SPDYE3: variants seen among roughly 807,000 people sequenced by gnomAD.
SPDYE3 encodes speedy protein E3.
In SPDYE3, 15 loss-of-function variants were observed where a neutral mutation model predicts 55.0. The observed-to-expected ratio is 0.27, with a 90% CI of 0.18 to 0.42. The LOEUF is 0.42. Among genes scored for constraint, SPDYE3 ranks in the 10% least tolerant of loss-of-function variants. The pLI is 1.00. For missense variants in SPDYE3, 236 were observed against 576.7 expected, an observed-to-expected ratio of 0.41 and a Z score of 6.05; for synonymous variants, 89 against 229.9, an observed-to-expected ratio of 0.39 and a Z score of 5.55.
rs1027408903 is a variant in SPDYE3 at position 100,319,828 on chromosome 7, G to C, written c.1590+20G>C. 3.1e-6 allele frequency: 5 copies of C among 1,613,952 alleles called. No homozygotes were observed. In the African/African-American group the frequency reaches 6.7e-5, roughly 22 times the overall value. On this transcript the variant is annotated intron_variant, in intron 9 of 10. Transcript: ENST00000332397. ...GAGGAGGTGGGTGGGGCCTGGGGAG[G>C]TGGAGGATGTGGGGAGGAATCGGGT...
chr7:100,316,596 T>G (rs1187819317), intron 7 of SPDYE3, among the ~76,000 whole-genome samples: 1 of 152,210 alleles, frequency 6.6e-6, no homozygotes, highest in East Asian at 1.9e-4. Flanking sequence ...GGCTATTCTT[T>G]GTCTTTTTAT....
chr7:100,318,594 G>A (rs185042757), intron 8 of SPDYE3, among the ~76,000 whole-genome samples: 115 of 152,184 alleles, frequency 7.6e-4, no homozygotes, highest in Non-Finnish European at 1.4e-3. Flanking sequence ...CTGCATGCCC[G>A]TAGCTCTCCA....
intron 8 of SPDYE3, among the ~76,000 whole-genome samples, 188 bp from the exon 9 acceptor site, chr7:100,319,377 G>A (rs374420021): frequency 1.3e-5 from 2 of 152,166 alleles, no homozygotes; most frequent in African/African-American, 2.4e-5. Flanking sequence ...CCATCCTGAA[G>A]GAGTGGGAGA....
chr7:100,316,202 C>T (rs1258894694), intron 7 of SPDYE3, among the ~76,000 whole-genome samples: 3 of 152,124 alleles, frequency 2.0e-5, no homozygotes, highest in Non-Finnish European at 2.9e-5. Context: ...AACACCTGAC[C>T]TCAGGTGATC....
rs939167117 is a variant in SPDYE3 at position 100,321,838 on chromosome 7, ATATT to A, written c.*1004_*1007del. 31 of 145,926 alleles carry A rather than the reference ATATT, an allele frequency of 2.1e-4. No individual in the cohort carries two copies. The highest frequency in any genetic ancestry group is 6.4e-4 in the South Asian group (3 of 4,688). 9.0% of individuals were successfully genotyped at this position (145,926 alleles called of 1,614,324 possible). A position where few individuals can be genotyped will look rare whatever the true frequency, so the allele number is the denominator to read the frequency against. On this transcript the variant is annotated 3_prime_UTR_variant, in exon 11 of 11. Transcript: ENST00000332397. ...TTATTTATTTAAATATTTATTAAATATATTTATTTATTTAAATATTTATTAAATA... is the reference window on the plus strand; with the variant it reads ...TTATTTATTTAAATATTTATTAAATATATTTATTTAAATATTTATTAAATA...
intron 7 of SPDYE3, 137 bp downstream of exon 7, chr7:100,315,980 T>C: frequency 2.1e-6 from 3 of 1,438,546 alleles, no homozygotes; most frequent in Non-Finnish European, 2.9e-6. Context: ...TTGTTTTTGT[T>C]TTTTTTTGTG....
chr7:100,318,920 T>G (rs1342862068), intron 8 of SPDYE3, among the ~76,000 whole-genome samples: 1 of 149,970 alleles, frequency 6.7e-6, no homozygotes, highest in Non-Finnish European at 1.5e-5. Context: ...ATTTATTTAT[T>G]TATTTATCAA....
intron 10 of SPDYE3, 178 bp from the exon 11 acceptor site, chr7:100,320,713 C>A: frequency 9.2e-7 from 1 of 1,084,596 alleles, no homozygotes; most frequent in Non-Finnish European, 1.2e-6. Flanking sequence ...GTCACCAAAG[C>A]GTGAGTTTCA....
chr7:100,320,481 A>G lies in SPDYE3; in HGVS notation c.*46-410A>G, dbSNP rs144276088. The G allele has an allele frequency of 3.0e-6, 3 of 989,404 alleles. No homozygotes were observed. In the South Asian group the frequency reaches 6.4e-5, roughly 21 times the overall value. The allele number at this position is 989,404 out of a possible 1,614,324, so 61.3% of individuals were successfully genotyped here. A position where few individuals can be genotyped will look rare whatever the true frequency, so the allele number is the denominator to read the frequency against. On this transcript the variant is annotated intron_variant, in intron 10 of 10. Coordinates refer to ENST00000332397, the MANE Select transcript of SPDYE3 (RefSeq NM_001004351.5). ...TCGTCATGAGGAGGTAGGATTATGG[A>G]TTAGGCTTCTGGACTCGTGGTTTGT...
At chr7:100,320,128 G>A in intron 10 of SPDYE3, 93 bp downstream of exon 10, 1 of 1,552,756 alleles carries the variant, frequency 6.4e-7, no homozygotes, top group Non-Finnish European at 8.6e-7. Context: ...TCAAGCCTCG[G>A]CAACGTGGCG....
At chr7:100,315,959 T>C in intron 7 of SPDYE3, 116 bp downstream of exon 7, 4 of 1,530,966 alleles carry the variant, frequency 2.6e-6, no homozygotes, top group Non-Finnish European at 3.5e-6. Flanking sequence ...CTCCTACAGT[T>C]TTTTTTGTTT....
Position 100,307,847 on chromosome 7 carries a change from A to G in SPDYE3, c.-39A>G. The G allele has an allele frequency of 6.5e-7, 1 of 1,544,210 alleles. No individual in the cohort carries two copies. The highest frequency in any genetic ancestry group is 8.7e-7 in the Non-Finnish European group (1 of 1,151,796). On this transcript the variant is annotated 5_prime_UTR_variant, in exon 1 of 11. Coordinates refer to ENST00000332397, the MANE Select transcript of SPDYE3 (RefSeq NM_001004351.5). ...GAAGAAGACCAAGGACAGAACAGAG[A>G]CTAGCTTCGGTGAGATTGGACAGAT...
intron 6 of SPDYE3, 42 bp from the exon 7 acceptor site, chr7:100,315,743 C>G: frequency 1.3e-6 from 2 of 1,597,812 alleles, no homozygotes; most frequent in South Asian, 1.1e-5. Context: ...CCATGGAAAC[C>G]CTGTCCTGCT....
chr7:100,307,953 T>G lies in SPDYE3; in HGVS notation c.68T>G (p.Leu23Arg), dbSNP rs753544672. The G allele has an allele frequency of 4.5e-6, 7 of 1,569,592 alleles. No homozygotes were observed. Among genetic ancestry groups the G allele is most frequent in the African/African-American group, 2.7e-5 (2 of 74,182 alleles). ...SPQRSTSGYP[L>R]QEVVDDEVSG... ...CAGCGGAGCACCTCAGGGTACCCCC[T>G]CCAGGAGGTGGTGGATGATGAAGTG... Residue 23 changes from leucine to arginine, a missense_variant, in exon 1 of 11, where the codon CTC becomes CGC. Leu to Arg is a moderately radical substitution (Grantham distance 102). Coordinates refer to ENST00000332397, the MANE Select transcript of SPDYE3 (RefSeq NM_001004351.5).
intron 9 of SPDYE3, 31 bp downstream of exon 9, chr7:100,319,839 G>T: frequency 6.2e-7 from 1 of 1,614,036 alleles, no homozygotes; most frequent in South Asian, 1.1e-5. Flanking sequence ...TGGAGGATGT[G>T]GGGAGGAATC....
rs552543470 is a variant in SPDYE3, at chr7:100,307,962, T to C, written c.77T>C (p.Val26Ala). Residue 26 changes from valine to alanine, a missense_variant, in exon 1 of 11, where the codon GTG becomes GCG. Coordinates refer to ENST00000332397, the MANE Select transcript of SPDYE3 (RefSeq NM_001004351.5). ...RSTSGYPLQE[V>A]VDDEVSGPSA... Reference sequence around the variant, plus strand: ...ACCTCAGGGTACCCCCTCCAGGAGGTGGTGGATGATGAAGTGTCGGGACCA... The same window carrying C: ...ACCTCAGGGTACCCCCTCCAGGAGGCGGTGGATGATGAAGTGTCGGGACCA... 87 of 1,562,172 alleles carry C rather than the reference T, an allele frequency of 5.6e-5. 1 individual carries two copies. The South Asian group carries it at 9.5e-4, about 17-fold the overall frequency.
intron 8 of SPDYE3, among the ~76,000 whole-genome samples, chr7:100,319,300 G>T (rs149595094): frequency 0.012 from 1,800 of 152,162 alleles, 42 homozygotes; most frequent in African/African-American, 0.041. Flanking sequence ...CTCCTGCTTC[G>T]GCCTCCCAGT....
chr7:100,319,850 G>A (rs566270077), intron 9 of SPDYE3, 42 bp downstream of exon 9: 33 of 1,613,892 alleles, frequency 2.0e-5, no homozygotes, highest in Middle Eastern at 1.7e-4. Flanking sequence ...GGGAGGAATC[G>A]GGTGGGCTGG....
At position 100,321,020 on chromosome 7, in the gene SPDYE3, A is replaced by C. The variant is rs1367900344; in HGVS notation, c.*175A>C. On this transcript the variant is annotated 3_prime_UTR_variant, in exon 11 of 11. Coordinates refer to ENST00000332397, the MANE Select transcript of SPDYE3 (RefSeq NM_001004351.5). ...GAAGAACCTGGACCATTCTTGACAG[A>C]GCTGAATACAGTGATCACGTTGTCC... 1 of 1,171,488 alleles carries C rather than the reference A, an allele frequency of 8.5e-7. No individual in the cohort carries two copies. The highest frequency in any genetic ancestry group is 1.2e-6 in the Non-Finnish European group (1 of 858,290). 72.6% of individuals were successfully genotyped at this position (1,171,488 alleles called of 1,614,324 possible).
Sources: gnomAD v4.1 joint callset for allele counts (sites outside exome capture counted in the v4.1 genomes callset) on GRCh38, gnomAD v4.1.1 for gene constraint, MANE v1.5 for transcripts, NCBI Gene and HGNC (gene_info 2026-07-23, HGNC 2026-07-21) for gene names.